TTBK2: variants seen among roughly 807,000 people sequenced by gnomAD.
The protein encoded by TTBK2 is tau-tubulin kinase 2.
Under a neutral mutation model 110.8 loss-of-function variants are expected in TTBK2, and 28 were observed. That is an observed-to-expected ratio of 0.25 (90% CI 0.19 to 0.35). The LOEUF is 0.35. Ranked by LOEUF, TTBK2 falls within the 10% of genes least tolerant of loss-of-function variation. The pLI is 1.00. For synonymous variants in TTBK2, 532 were observed against 527.3 expected (o/e 1.01, Z -0.12); for missense variants, 1,369 against 1,500.3 (o/e 0.91, Z 1.45).
intron 11 of TTBK2, among the ~76,000 whole-genome samples, chr15:42,782,687 C>A (rs1242148587): frequency 6.6e-6 from 1 of 152,160 alleles, no homozygotes; most frequent in Non-Finnish European, 1.5e-5. Flanking sequence ...ATTCAATAAA[C>A]TGCACATCAC....
At chr15:42,878,753 G>A (rs1596014932) in intron 1 of TTBK2, 69 bp from the exon 2 acceptor site, 22 of 1,533,564 alleles carry the variant, frequency 1.4e-5, no homozygotes, top group East Asian at 2.4e-5. Context: ...TAACATTCCA[G>A]CATCAGGAAG....
intron 9 of TTBK2, among the ~76,000 whole-genome samples, chr15:42,800,813 G>C (rs147893729): frequency 6.6e-6 from 1 of 152,106 alleles, no homozygotes; most frequent in African/African-American, 2.4e-5. Flanking sequence ...CATGGGCAAG[G>C]GGGGGTCCCC....
At chr15:42,910,812 G>A (rs1007577646) in intron 1 of TTBK2, among the ~76,000 whole-genome samples, 28 of 152,224 alleles carry the variant, frequency 1.8e-4, no homozygotes, top group African/African-American at 6.3e-4. Context: ...TTGGGAGGCC[G>A]AGACAGGCAG....
chr15:42,745,760 G>A lies in TTBK2; in HGVS notation c.*35C>T. ...ACACATGCATCAGGTTTAGGAGGAA[G>A]ATCTCACACCTTTCAAAGAGATGCA... is the stretch of plus-strand genomic sequence containing the variant. On this transcript the variant is annotated 3_prime_UTR_variant, in exon 15 of 15. Transcript: ENST00000267890. 1.2e-6 allele frequency: 2 copies of A among 1,611,226 alleles called. No individual in the cohort carries two copies. Among genetic ancestry groups the A allele is most frequent in the Non-Finnish European group, 1.7e-6 (2 of 1,178,246 alleles).
chr15:42,821,231 A>C (rs1892281995), intron 6 of TTBK2, among the ~76,000 whole-genome samples: 1 of 152,232 alleles, frequency 6.6e-6, no homozygotes, highest in Non-Finnish European at 1.5e-5. Flanking sequence ...AATATATTAA[A>C]GAAACTAATA....
At chr15:42,840,475 T>C in intron 3 of TTBK2, 42 bp from the exon 4 acceptor site, 1 of 1,543,974 alleles carries the variant, frequency 6.5e-7, no homozygotes, top group Non-Finnish European at 9.0e-7. Flanking sequence ...TATACTATGG[T>C]TTCTCTTAAA....
At chr15:42,895,576 C>T (rs1895633347) in intron 1 of TTBK2, among the ~76,000 whole-genome samples, 1 of 149,792 alleles carries the variant, frequency 6.7e-6, no homozygotes, top group African/African-American at 2.5e-5. Context: ...CTCGCTCTGT[C>T]ACCCAGACTG....
chr15:42,912,664 T>C (rs1015420604), intron 1 of TTBK2, among the ~76,000 whole-genome samples: 9 of 151,552 alleles, frequency 5.9e-5, no homozygotes, highest in Non-Finnish European at 1.3e-4. Context: ...TGAGCTGAGA[T>C]TGCAAGATCG....
intron 2 of TTBK2, 35 bp downstream of exon 2, chr15:42,878,514 C>CAA (rs756867141): frequency 4.5e-5 from 73 of 1,607,962 alleles, no homozygotes; most frequent in Non-Finnish European, 4.2e-6. Flanking sequence ...CACACACACA[C>CAA]ACACACACAC....
intron 3 of TTBK2, among the ~76,000 whole-genome samples, chr15:42,870,233 G>A (rs1353315161): frequency 2.0e-5 from 3 of 152,034 alleles, no homozygotes; most frequent in African/African-American, 7.2e-5. Flanking sequence ...TTAGAGAATT[G>A]CAGGTTACAT....
At chr15:42,874,063 G>A (rs992035711) in intron 2 of TTBK2, among the ~76,000 whole-genome samples, 2 of 152,010 alleles carry the variant, frequency 1.3e-5, no homozygotes, top group African/African-American at 4.8e-5. Flanking sequence ...TTGTATTATT[G>A]CCTTGTATTT....
At chr15:42,756,504 T>G (rs1595880997) in intron 13 of TTBK2, among the ~76,000 whole-genome samples, 1 of 151,930 alleles carries the variant, frequency 6.6e-6, no homozygotes, top group Non-Finnish European at 1.5e-5. Flanking sequence ...GAGAATGGCT[T>G]GAACCTGGGA....
intron 1 of TTBK2, among the ~76,000 whole-genome samples, chr15:42,897,323 A>G (rs1161570674): frequency 6.6e-6 from 1 of 152,044 alleles, no homozygotes; most frequent in East Asian, 1.9e-4. Flanking sequence ...ATCTATAATC[A>G]TTTTTTTTAC....
intron 13 of TTBK2, 77 bp from the exon 14 acceptor site, chr15:42,753,324 C>T (rs1273027496): frequency 1.4e-6 from 2 of 1,411,882 alleles, no homozygotes; most frequent in East Asian, 4.9e-5. Flanking sequence ...GATTTAACAT[C>T]TCCAATTCTA....
intron 2 of TTBK2, among the ~76,000 whole-genome samples, chr15:42,878,015 T>C (rs1363049430): frequency 2.1e-5 from 3 of 143,412 alleles, no homozygotes; most frequent in Admixed American, 6.9e-5. Context: ...CAATTTTCCT[T>C]AATAAAAAAA....
intron 9 of TTBK2, among the ~76,000 whole-genome samples, chr15:42,807,586 TG>T (rs1292818764): frequency 4.4e-5 from 5 of 112,706 alleles, no homozygotes; most frequent in Non-Finnish European, 8.0e-5. Flanking sequence ...TTTTTTTTGT[TG>T]TTTTTTGTTG....
intron 1 of TTBK2, among the ~76,000 whole-genome samples, chr15:42,913,190 G>T (rs939654767): frequency 7.3e-6 from 1 of 137,134 alleles, no homozygotes; most frequent in Non-Finnish European, 1.6e-5. Flanking sequence ...AAGAAATGAA[G>T]ATTTGTAAAG....
chr15:42,894,325 T>G (rs2141172298), intron 1 of TTBK2, among the ~76,000 whole-genome samples: 1 of 152,178 alleles, frequency 6.6e-6, no homozygotes, highest in South Asian at 2.1e-4. Flanking sequence ...CAGGCCTAGA[T>G]TTTTTTTCCA....
chr15:42,895,926 T>C (rs1020737337), intron 1 of TTBK2, among the ~76,000 whole-genome samples: 2 of 152,022 alleles, frequency 1.3e-5, no homozygotes, highest in Non-Finnish European at 2.9e-5. Flanking sequence ...TCACTCCCCA[T>C]TCCCTTCTTC....
Sources: allele counts gnomAD v4.1 joint callset (sites outside exome capture counted in the v4.1 genomes callset), GRCh38; gene constraint gnomAD v4.1.1; transcripts MANE v1.5; gene names NCBI Gene and HGNC (gene_info 2026-07-23, HGNC 2026-07-21).